Variants in OCA2 observed in about 807,000 individuals in gnomAD.
OCA2 encodes P protein.
OCA2 carries 77 observed loss-of-function variants against 100.2 expected under a neutral mutation model. That is an observed-to-expected ratio of 0.77 (90% CI 0.64 to 0.93). The LOEUF (loss-of-function observed/expected upper bound fraction) is 0.93. Ranked by LOEUF, OCA2 falls within the 40% of genes least tolerant of loss-of-function variation. The probability of loss-of-function intolerance (pLI) is 0.00; values close to 1 mark genes in which losing one functional copy is unlikely to be tolerated. For missense variants in OCA2, 1,062 were observed against 1,089.1 expected (o/e 0.98, Z 0.35); for synonymous variants, 432 against 439.2 (o/e 0.98, Z 0.21).
intron 2 of OCA2, 108 bp downstream of exon 2, chr15:28,081,540 G>T: frequency 9.3e-7 from 1 of 1,075,134 alleles, no homozygotes; most frequent in Non-Finnish European, 1.4e-6. Context: ...AAAAATTCTT[G>T]CAAAATTTCT....
the OCA2 span, among the ~76,000 whole-genome samples, chr15:27,733,741 G>A: frequency 1.3e-5 from 2 of 151,916 alleles, no homozygotes; most frequent in Non-Finnish European, 2.9e-5. Context: ...TATTAATAAT[G>A]AAAAACAGCC....
At chr15:27,906,501 C>A (rs1356540809) in intron 19 of OCA2, among the ~76,000 whole-genome samples, 2 of 151,060 alleles carry the variant, frequency 1.3e-5, no homozygotes, top group Non-Finnish European at 2.9e-5. Context: ...GGAACCCGGG[C>A]AATGAAGGAA....
intron 18 of OCA2, among the ~76,000 whole-genome samples, chr15:27,932,493 G>A (rs2039290019): frequency 6.6e-6 from 1 of 151,998 alleles, no homozygotes; most frequent in Admixed American, 6.6e-5. Flanking sequence ...CTAGGGGGCG[G>A]TGGGGGCAGG....
In OCA2 at chr15:28,018,474, G is replaced by A. The variant is rs1267286176; in HGVS notation, c.730C>T (p.Pro244Ser). Residue 244 changes from proline (P) to serine (S), a missense_variant, in exon 7 of 24, where the codon CCT (proline) becomes TCT (serine). Pro to Ser is a moderately conservative substitution (Grantham distance 74). Coordinates refer to ENST00000354638, the MANE Select transcript of OCA2 (RefSeq NM_000275.3). ...ACCACGATGTGCTCTTCCCTCCCAG[G>A]ACGACTCGGCCCACTGGCCACTAGG... ...GALVASGPSR[P>S]GREEHIVVEL... 6.2e-7 allele frequency: 1 copy of A among 1,613,810 alleles called. No individual in the cohort carries two copies. Among genetic ancestry groups the A allele is most frequent in the East Asian group, 2.2e-5 (1 of 44,892 alleles).
intron 19 of OCA2, among the ~76,000 whole-genome samples, chr15:27,904,995 C>T (rs959785079): frequency 6.6e-6 from 1 of 152,110 alleles, no homozygotes; most frequent in Non-Finnish European, 1.5e-5. Flanking sequence ...AAAACCTCGT[C>T]TCTACTAAAA....
At chr15:27,942,630 AATG>A (rs2039689966) in intron 18 of OCA2, among the ~76,000 whole-genome samples, 1 of 152,188 alleles carries the variant, frequency 6.6e-6, no homozygotes, top group Non-Finnish European at 1.5e-5. Context: ...AAATACACTG[AATG>A]ATATAATTTT....
At chr15:27,920,690 G>C (rs1311464515) in intron 19 of OCA2, among the ~76,000 whole-genome samples, 1 of 151,874 alleles carries the variant, frequency 6.6e-6, no homozygotes, top group African/African-American at 2.4e-5. Flanking sequence ...ATTAAGTAGA[G>C]AATATCACAA....
At chr15:27,928,321 G>A (rs964751547) in intron 18 of OCA2, among the ~76,000 whole-genome samples, 6 of 152,116 alleles carry the variant, frequency 3.9e-5, no homozygotes, top group African/African-American at 1.4e-4. Context: ...AGCTCAGTAA[G>A]ATCAGTCAAC....
At chr15:27,772,300 CACT>C (rs2031926605) in intron 23 of OCA2, among the ~76,000 whole-genome samples, 1 of 152,278 alleles carries the variant, frequency 6.6e-6, no homozygotes, top group African/African-American at 2.4e-5. Flanking sequence ...TTGTTTTTGC[CACT>C]ACTACTGCAA....
Position 28,081,643 on chromosome 15 carries a change from C to G in OCA2, c.227+5G>C. The G allele has an allele frequency of 6.2e-7, 1 of 1,612,906 alleles. No homozygotes were observed. The highest frequency in any genetic ancestry group is 2.2e-5 in the East Asian group (1 of 44,882). The stretch of plus-strand genomic sequence containing the variant: ...ATTTACAAGATGGCACTATTTTAAA[C>G]TCACCTCCCTTTTGTGAGGAATGAA... On this transcript the variant is annotated splice_donor_5th_base_variant and intron_variant, in intron 2 of 23. Coordinates refer to ENST00000354638, the MANE Select transcript of OCA2 (RefSeq NM_000275.3).
chr15:27,834,310 G>C (rs561538053), intron 23 of OCA2, among the ~76,000 whole-genome samples: 76 of 152,306 alleles, frequency 5.0e-4, no homozygotes, highest in African/African-American at 1.8e-3. Flanking sequence ...CAGGAGGGTG[G>C]TGCATCTGCA....
At chr15:27,746,317 C>A in the OCA2 span, among the ~76,000 whole-genome samples, 1 of 151,908 alleles carries the variant, frequency 6.6e-6, no homozygotes, top group African/African-American at 2.4e-5. Flanking sequence ...TTAAATTAGC[C>A]AGGAGTGGTG....
intron 2 of OCA2, among the ~76,000 whole-genome samples, chr15:28,049,364 C>T (rs2043439336): frequency 6.6e-6 from 1 of 152,162 alleles, no homozygotes; most frequent in East Asian, 1.9e-4. Flanking sequence ...CTCTCATGCA[C>T]TGCTAGTAAT....
intron 2 of OCA2, among the ~76,000 whole-genome samples, chr15:28,070,870 C>T (rs1287704659): frequency 2.1e-5 from 3 of 141,254 alleles, no homozygotes; most frequent in African/African-American, 8.2e-5. Context: ...TACCCCCAAC[C>T]CTGTGCTCTC....
At chr15:27,969,179 C>T (rs2040684241) in intron 14 of OCA2, among the ~76,000 whole-genome samples, 1 of 151,628 alleles carries the variant, frequency 6.6e-6, no homozygotes, top group Non-Finnish European at 1.5e-5. Context: ...AAAGTTTTGC[C>T]CCATTTGAAA....
chr15:27,750,843 T>C (rs752350991), downstream of OCA2, among the ~76,000 whole-genome samples: 2 of 152,192 alleles, frequency 1.3e-5, no homozygotes, highest in Non-Finnish European at 2.9e-5. Context: ...ATGGCTTCTA[T>C]GGGAAGCTTG....
chr15:27,966,493 C>A (rs1178609400), intron 15 of OCA2, among the ~76,000 whole-genome samples, 197 bp downstream of exon 15: 1 of 152,148 alleles, frequency 6.6e-6, no homozygotes, highest in Non-Finnish European at 1.5e-5. Context: ...CAGTACACTT[C>A]ACAGAAAACT....
At chr15:28,035,889 TA>T (rs1021237155) in intron 2 of OCA2, among the ~76,000 whole-genome samples, 2 of 488 alleles carry the variant, frequency 4.1e-3, no homozygotes, top group Non-Finnish European at 5.5e-3. Context: ...TACATAATTC[TA>T]TTAATTCAGA....
chr15:27,959,142 A>T (rs1339332435), intron 15 of OCA2, among the ~76,000 whole-genome samples: 1 of 152,260 alleles, frequency 6.6e-6, no homozygotes, highest in Non-Finnish European at 1.5e-5. Flanking sequence ...CAGTTAGCAC[A>T]TGGCTTTCTC....
Sources: gnomAD v4.1 joint callset for allele counts (sites outside exome capture counted in the v4.1 genomes callset) on GRCh38, gnomAD v4.1.1 for gene constraint, MANE v1.5 for transcripts, NCBI Gene and HGNC (gene_info 2026-07-23, HGNC 2026-07-21) for gene names.